The following C4orf54 variants were observed in gnomAD, a reference collection of about 807,000 sequenced individuals.
The protein encoded by C4orf54 is chromosome 4 open reading frame 54.
C4orf54 carries 67 observed loss-of-function variants against 80.1 expected under a neutral mutation model. The observed-to-expected ratio is 0.84, with a 90% CI of 0.69 to 1.03. The LOEUF is 1.03. C4orf54 is among the 50% of genes least tolerant of loss of function. C4orf54 has a pLI of 0.00. For missense variants in C4orf54, 2,434 were observed against 2,253.5 expected, an observed-to-expected ratio of 1.08 and a Z score of -1.62; for synonymous variants, 1,000 against 917.0, an observed-to-expected ratio of 1.09 and a Z score of -1.64.
Position 99,640,611 on chromosome 4 carries a change from C to T in C4orf54, c.*622G>A, listed in dbSNP as rs1280644517. On this transcript the variant is annotated 3_prime_UTR_variant, in exon 3 of 3. Transcript: ENST00000511828. ...AATAAAGCACAAACATTACAACCAC[C>T]ATTTTTCACAATCACATTTGAAATC... is the stretch of plus-strand genomic sequence containing the variant. The T allele has an allele frequency of 6.6e-6, 1 of 152,080 alleles. No homozygotes were observed. The highest frequency in any genetic ancestry group is 2.4e-5 in the African/African-American group (1 of 41,412). 9.4% of individuals were successfully genotyped at this position (152,080 alleles called of 1,614,324 possible).
At position 99,639,799 on chromosome 4, in the gene C4orf54, AC is replaced by A. The variant is rs1387951581; in HGVS notation, c.*1433del. 6.6e-6 allele frequency: 1 copy of A among 152,104 alleles called. No individual in the cohort carries two copies. The highest frequency in any genetic ancestry group is 1.5e-5 in the Non-Finnish European group (1 of 67,980). The allele number at this position is 152,104 out of a possible 1,614,324, so 9.4% of individuals were successfully genotyped here. Reference sequence around the variant, plus strand: ...CTCAGTCTCCTAGTTTTTTACTCACACTTTTTGTCATGAGTAGCATAAAATT... The same window carrying A: ...CTCAGTCTCCTAGTTTTTTACTCACATTTTTGTCATGAGTAGCATAAAATT... On this transcript the variant is annotated 3_prime_UTR_variant, in exon 3 of 3. Transcript: ENST00000511828.
chr4:99,647,595 G>A (rs1490068655), intron 2 of C4orf54, among the ~76,000 whole-genome samples: 2 of 148,970 alleles, frequency 1.3e-5, no homozygotes, highest in Middle Eastern at 3.4e-3. Flanking sequence ...TTTAAATAAT[G>A]TATTTCTAGA....
At chr4:99,657,005 T>C (rs1045554916) in intron 1 of C4orf54, among the ~76,000 whole-genome samples, 1 of 152,258 alleles carries the variant, frequency 6.6e-6, no homozygotes, top group Non-Finnish European at 1.5e-5. Flanking sequence ...AACAAAACTG[T>C]GTACACATTA....
Position 99,653,033 on chromosome 4 carries a change from T to C in C4orf54, c.1616A>G (p.Lys539Arg), listed in dbSNP as rs1237901950. Residue 539 changes from lysine to arginine, a missense_variant, in exon 2 of 3, where the codon AAG becomes AGG. Transcript: ENST00000511828. Reference protein sequence around the residue: ...AINEPSNVRAKQNIIYAAKHE... With the variant: ...AINEPSNVRARQNIIYAAKHE... ...CTTGGCAGCATAAATAATGTTTTGC[T>C]TTGCACGCACGTTGCTAGGCTCATT... The C allele has an allele frequency of 6.5e-7, 1 of 1,536,178 alleles. No individual in the cohort carries two copies. Among genetic ancestry groups the C allele is most frequent in the Admixed American group, 2.0e-5 (1 of 51,008 alleles).
chr4:99,651,915 G>T lies in C4orf54; in HGVS notation c.2734C>A (p.Arg912=). ...TPRERNAGPG[R]NFTDGHTEVC... is the part of the protein sequence containing the mutation. ...TCTGTGTGTCCATCGGTGAAATTCC[G>T]GCCAGGGCCTGCGTTGCGCTCGCGA... The change falls in exon 2 of 3, where the codon CGG becomes AGG. Residue 912 remains arginine (R), a synonymous_variant. Coordinates refer to ENST00000511828, the MANE Select transcript of C4orf54 (RefSeq NM_001354435.2). 1 of 1,536,064 alleles carries T rather than the reference G, an allele frequency of 6.5e-7. No homozygotes were observed.
At position 99,640,787 on chromosome 4, in the gene C4orf54, T is replaced by C. The variant is rs971621052; in HGVS notation, c.*446A>G. ...AGTCTTGATATATTCCAAGAAACTA[T>C]AAGGAGATTCGTGATCCAAATTACT... On this transcript the variant is annotated 3_prime_UTR_variant, in exon 3 of 3. Coordinates refer to ENST00000511828, the MANE Select transcript of C4orf54 (RefSeq NM_001354435.2). 6.6e-6 allele frequency: 1 copy of C among 152,168 alleles called. No individual in the cohort carries two copies. Among genetic ancestry groups the C allele is most frequent in the Non-Finnish European group, 1.5e-5 (1 of 67,992 alleles). 9.4% of individuals were successfully genotyped at this position (152,168 alleles called of 1,614,324 possible).
At position 99,637,148 on chromosome 4, in the gene C4orf54, A is replaced by G. The variant is rs1287876163; in HGVS notation, c.*4085T>C. ...GGAGCCCTGGAAAGGACTTTTTGCC[A>G]TTAACACTAGCCATAAAAAGCAATT... On this transcript the variant is annotated 3_prime_UTR_variant, in exon 3 of 3. Coordinates refer to ENST00000511828, the MANE Select transcript of C4orf54 (RefSeq NM_001354435.2). 1 of 152,222 alleles carries G rather than the reference A, an allele frequency of 6.6e-6. No individual in the cohort carries two copies. The highest frequency in any genetic ancestry group is 1.5e-5 in the Non-Finnish European group (1 of 68,036). 9.4% of individuals were successfully genotyped at this position (152,222 alleles called of 1,614,324 possible).
At position 99,653,167 on chromosome 4, in the gene C4orf54, C is replaced by T. The variant is rs1436100119; in HGVS notation, c.1482G>A (p.Leu494=). The change falls in exon 2 of 3, where the codon TTG becomes TTA. Residue 494 remains leucine (L), a synonymous_variant. Transcript: ENST00000511828. ...GPGTAPLTEP[L]PETPEAASGA... is the part of the protein sequence containing the mutation. The stretch of plus-strand genomic sequence containing the variant: ...CTGAAGCTGCCTCCGGGGTCTCAGG[C>T]AAGGGCTCAGTCAGGGGGGCAGTGC... 4 of 1,536,010 alleles carry T rather than the reference C, an allele frequency of 2.6e-6. No individual in the cohort carries two copies. The highest frequency in any genetic ancestry group is 3.5e-6 in the Non-Finnish European group (4 of 1,146,896).
Position 99,650,820 on chromosome 4 carries a change from G to T in C4orf54, c.3829C>A (p.Arg1277Ser). Residue 1277 changes from arginine (R) to serine (S), a missense_variant, in exon 2 of 3, where the codon CGC (arginine) becomes AGC (serine). Physicochemically the swap from Arg to Ser is moderately radical, Grantham distance 110. Transcript: ENST00000511828. Reference protein sequence around the residue: ...LYSFNRNEWKRKSDPLPMMMD... With the variant: ...LYSFNRNEWKSKSDPLPMMMD... ...ATCATAGGCAAGGGGTCGCTTTTGC[G>T]CTTCCACTCGTTCCTGTTGAAGCTG... The T allele has an allele frequency of 6.5e-7, 1 of 1,536,184 alleles. No homozygotes were observed. Among genetic ancestry groups the T allele is most frequent in the South Asian group, 1.2e-5 (1 of 84,062 alleles).
In C4orf54 at chr4:99,653,072, G is replaced by A. The variant is rs1239063136; in HGVS notation, c.1577C>T (p.Ala526Val). The change falls in exon 2 of 3, where the codon GCT (alanine) becomes GTT (valine). Residue 526 changes from alanine to valine, a missense_variant. By Grantham distance (64) the Ala-to-Val change is moderately conservative. Transcript: ENST00000511828. Reference protein sequence around the residue: ...ASQILLSIKPASRAINEPSNV... With the variant: ...ASQILLSIKPVSRAINEPSNV... ...GCTAGGCTCATTTATAGCCCGGGAAGCCGGTTTGATTGATAGGAGGATCTG... is the reference window on the plus strand; with the variant it reads ...GCTAGGCTCATTTATAGCCCGGGAAACCGGTTTGATTGATAGGAGGATCTG... 1 of 1,536,238 alleles carries A rather than the reference G, an allele frequency of 6.5e-7. No homozygotes were observed. The highest frequency in any genetic ancestry group is 2.0e-5 in the Admixed American group (1 of 51,006).
rs1726816911 is a variant in C4orf54, at chr4:99,651,200, G to A, written c.3449C>T (p.Pro1150Leu). The A allele has an allele frequency of 1.3e-6, 2 of 1,536,004 alleles. No homozygotes were observed. Among genetic ancestry groups the A allele is most frequent in the African/African-American group, 2.7e-5 (2 of 73,042 alleles). ...TACAGCCTGGCATGTAATCACCATGGGGGACAGGGATCCAGATCCGCCAGC... is the reference window on the plus strand; with the variant it reads ...TACAGCCTGGCATGTAATCACCATGAGGGACAGGGATCCAGATCCGCCAGC... ...AAAGGSGSLSPMVITCQAVVN... is the reference protein window; with the variant it reads ...AAAGGSGSLSLMVITCQAVVN... The change falls in exon 2 of 3, where the codon CCC (proline) becomes CTC (leucine). Residue 1150 changes from proline to leucine, a missense_variant. Pro to Leu is a moderately conservative substitution (Grantham distance 98). Coordinates refer to ENST00000511828, the MANE Select transcript of C4orf54 (RefSeq NM_001354435.2).
Position 99,652,760 on chromosome 4 carries a change from G to T in C4orf54, c.1889C>A (p.Ala630Asp), listed in dbSNP as rs1353372497. The T allele has an allele frequency of 2.0e-6, 3 of 1,536,130 alleles. No individual in the cohort carries two copies. Among genetic ancestry groups the T allele is most frequent in the Non-Finnish European group, 2.6e-6 (3 of 1,146,900 alleles). Residue 630 changes from alanine to aspartate, a missense_variant, in exon 2 of 3, where the codon GCC (alanine) becomes GAC (aspartate). By Grantham distance (126) the Ala-to-Asp change is moderately radical (BLOSUM62 -2). Coordinates refer to ENST00000511828, the MANE Select transcript of C4orf54 (RefSeq NM_001354435.2). The stretch of plus-strand genomic sequence containing the variant: ...GTAGGGGTAAGCCAGGCTCCGGAAG[G>T]CCCGGGAGGTCAGGTTACGCACCTC... ...DKEVRNLTSR[A>D]FRSLAYPYFE...
In C4orf54 at chr4:99,657,780, AT is replaced by A. The variant is rs1455285628; in HGVS notation, c.-318del. On this transcript the variant is annotated 5_prime_UTR_variant, in exon 1 of 3. Coordinates refer to ENST00000511828, the MANE Select transcript of C4orf54 (RefSeq NM_001354435.2). ...GGCATTTTCAGAGTTCTGGAGTAGT[AT>A]ATGTTACTATGAAAATGGATGTTGT... is the stretch of plus-strand genomic sequence containing the variant. Among the ~76,000 whole-genome samples the A allele has an allele frequency of 6.6e-6, 1 of 152,248 alleles. No individual in the cohort carries two copies. Among genetic ancestry groups the A allele is most frequent in the African/African-American group, 2.4e-5 (1 of 41,468 alleles).
intron 2 of C4orf54, among the ~76,000 whole-genome samples, chr4:99,646,023 T>C (rs1560635588): frequency 6.6e-6 from 1 of 152,040 alleles, no homozygotes; most frequent in Non-Finnish European, 1.5e-5. Context: ...AAACCCCACC[T>C]ATAATTTTTT....
At position 99,640,456 on chromosome 4, in the gene C4orf54, A is replaced by G. The variant is rs913463616; in HGVS notation, c.*777T>C. On this transcript the variant is annotated 3_prime_UTR_variant, in exon 3 of 3. Transcript: ENST00000511828. ...AAAATAATTGGATTCTTAAAGGAAAATAGATATTTTATACCTTTCTGAGAC... is the reference window on the plus strand; with the variant it reads ...AAAATAATTGGATTCTTAAAGGAAAGTAGATATTTTATACCTTTCTGAGAC... 6.6e-5 allele frequency: 10 copies of G among 152,224 alleles called. No homozygotes were observed. Among genetic ancestry groups the G allele is most frequent in the African/African-American group, 2.4e-4 (10 of 41,472 alleles). The allele number at this position is 152,224 out of a possible 1,614,324, so 9.4% of individuals were successfully genotyped here.
chr4:99,656,743 A>T (rs1339470367), intron 1 of C4orf54, among the ~76,000 whole-genome samples: 2 of 152,238 alleles, frequency 1.3e-5, no homozygotes, highest in Non-Finnish European at 2.9e-5. Flanking sequence ...CTAATTCCTT[A>T]TAGATGGAAA....
rs1176763264 is a variant in C4orf54, at chr4:99,651,744, CT to C, written c.2904del (p.Gly969GlufsTer53). 1 of 1,536,100 alleles carries C rather than the reference CT, an allele frequency of 6.5e-7. No individual in the cohort carries two copies. Among genetic ancestry groups the C allele is most frequent in the Admixed American group, 2.0e-5 (1 of 50,992 alleles). On this transcript the variant is annotated frameshift_variant, in exon 2 of 3. Coordinates refer to ENST00000511828, the MANE Select transcript of C4orf54 (RefSeq NM_001354435.2). LOFTEE classifies it high-confidence loss of function. ...QAPIGKLKLP[K>X]GGDWRADLGE... ...CCGAGATCAGCCCGCCAGTCGCCTC[CT>C]TTGGGCAGCTTCAGCTTCCCTATAG...
In C4orf54 at chr4:99,650,364, C is replaced by T. The variant is rs896870700; in HGVS notation, c.4285G>A (p.Gly1429Ser). Residue 1429 changes from glycine (G) to serine (S), a missense_variant, in exon 2 of 3, where the codon GGC (glycine) becomes AGC (serine). By Grantham distance (56) the Gly-to-Ser change is moderately conservative (BLOSUM62 0). Transcript: ENST00000511828. ...PSPESPSAAK[G>S]IKSQGLRSLK... The stretch of plus-strand genomic sequence containing the variant: ...GACCGGAGTCCCTGCGACTTGATGC[C>T]CTTAGCTGCTGAAGGACTCTCCGGA... The T allele has an allele frequency of 6.5e-7, 1 of 1,536,030 alleles. No individual in the cohort carries two copies. Among genetic ancestry groups the T allele is most frequent in the Non-Finnish European group, 8.7e-7 (1 of 1,146,888 alleles).
In C4orf54 at chr4:99,637,089, C is replaced by T. The variant is rs535757178; in HGVS notation, c.*4144G>A. The T allele has an allele frequency of 6.6e-6, 1 of 152,196 alleles. No individual in the cohort carries two copies. Among genetic ancestry groups the T allele is most frequent in the South Asian group, 2.1e-4 (1 of 4,816 alleles). 9.4% of individuals were successfully genotyped at this position (152,196 alleles called of 1,614,324 possible). A position where few individuals can be genotyped will look rare whatever the true frequency, so the allele number is the denominator to read the frequency against. ...AAAGTGGGGATAAAAAAAAGCATCA[C>T]CTGCTATGGATACAGGTATGGTAGA... On this transcript the variant is annotated 3_prime_UTR_variant, in exon 3 of 3. Coordinates refer to ENST00000511828, the MANE Select transcript of C4orf54 (RefSeq NM_001354435.2).
Sources: allele counts gnomAD v4.1 joint callset (sites outside exome capture counted in the v4.1 genomes callset), GRCh38; gene constraint gnomAD v4.1.1; transcripts MANE v1.5; gene names NCBI Gene and HGNC (gene_info 2026-07-23, HGNC 2026-07-21).